Variants in ADAMTSL2 observed in about 807,000 individuals in gnomAD.
The protein encoded by ADAMTSL2 is ADAMTS-like protein 2.
A neutral mutation model predicts 117.0 loss-of-function variants in ADAMTSL2; 55 were observed. The ratio of observed to expected loss-of-function variants is 0.47; its 90% CI spans 0.38 to 0.59. The LOEUF is 0.59. ADAMTSL2 is among the 20% of genes least tolerant of loss of function. The pLI is 0.00. For synonymous variants in ADAMTSL2, 572 were observed against 566.4 expected, an observed-to-expected ratio of 1.01 and a Z score of -0.14; for missense variants, 1,182 against 1,354.5, an observed-to-expected ratio of 0.87 and a Z score of 2.00.
chr9:133,534,565 C>T (rs1830002303), upstream of ADAMTSL2: 4 of 1,038,254 alleles, frequency 3.9e-6, no homozygotes, highest in East Asian at 6.5e-5. Context: ...CCGGCCTGGC[C>T]GGGCTCCAGA....
chr9:133,562,471 C>T (rs1830752867), intron 12 of ADAMTSL2, among the ~76,000 whole-genome samples: 1 of 147,320 alleles, frequency 6.8e-6, no homozygotes, highest in African/African-American at 2.5e-5. Flanking sequence ...CCGTGGGCGG[C>T]GTGGCGGGCA....
At chr9:133,540,024 G>T (rs1387961160) in intron 5 of ADAMTSL2, 151 bp downstream of exon 5, 4 of 752,698 alleles carry the variant, frequency 5.3e-6, no homozygotes, top group Non-Finnish European at 9.1e-6. Context: ...GGTCTCCTGA[G>T]CCCTGGCCCA....
At chr9:133,572,172 G>GCCCCCCC (rs1831122160) in intron 17 of ADAMTSL2, among the ~76,000 whole-genome samples, 1 of 20,380 alleles carries the variant, frequency 4.9e-5, no homozygotes, top group Non-Finnish European at 1.2e-4. Flanking sequence ...ACCCTGCCCC[G>GCCCCCCC]CCACCCCCCA....
At chr9:133,539,593 TGA>T (rs1830147042) in intron 4 of ADAMTSL2, among the ~76,000 whole-genome samples, 176 bp from the exon 5 acceptor site, 1 of 73,198 alleles carries the variant, frequency 1.4e-5, no homozygotes, top group African/African-American at 4.7e-5. Context: ...TGCTCCCTCC[TGA>T]GAGCGCATGG....
rs1489169011 is a variant in ADAMTSL2, at chr9:133,534,795, G to A, written c.-273G>A. ...CGCGGGGGAGGAGGGGAAGGGGAGA[G>A]GGAGGCCGGGCCGCAGCCTCTGCAC... On this transcript the variant is annotated 5_prime_UTR_variant, in exon 1 of 19. Transcript: ENST00000651351. 2.1e-5 allele frequency: 31 copies of A among 1,484,888 alleles called. No homozygotes were observed. Among genetic ancestry groups the A allele is most frequent in the South Asian group, 6.5e-5 (5 of 76,998 alleles). 92.0% of individuals were successfully genotyped at this position (1,484,888 alleles called of 1,614,324 possible).
At chr9:133,544,236 G>A (rs1830294685) in intron 7 of ADAMTSL2, among the ~76,000 whole-genome samples, 2 of 152,156 alleles carry the variant, frequency 1.3e-5, no homozygotes, top group Non-Finnish European at 2.9e-5. Flanking sequence ...GGGCAAGCAC[G>A]GATGAGCCTT....
At chr9:133,561,421 G>A (rs1830725579) in intron 12 of ADAMTSL2, 126 bp downstream of exon 12, 8 of 841,632 alleles carry the variant, frequency 9.5e-6, no homozygotes, top group South Asian at 1.4e-5. Flanking sequence ...CTTGTCCGTG[G>A]CCTCCTGACT....
chr9:133,571,503 C>T (rs1831106121), intron 17 of ADAMTSL2, among the ~76,000 whole-genome samples: 1 of 152,200 alleles, frequency 6.6e-6, no homozygotes, highest in Non-Finnish European at 1.5e-5. Context: ...GTTGCTTTCA[C>T]CTCTCCTGCT....
intron 12 of ADAMTSL2, among the ~76,000 whole-genome samples, chr9:133,564,395 AGG>A (rs1491574611): frequency 2.6e-5 from 1 of 37,934 alleles, no homozygotes; most frequent in Non-Finnish European, 5.9e-5. Flanking sequence ...GGAGAGAGAG[AGG>A]GAGAGAGAGA....
intron 4 of ADAMTSL2, among the ~76,000 whole-genome samples, chr9:133,539,559 C>T (rs534903315): frequency 7.5e-5 from 8 of 106,140 alleles, no homozygotes; most frequent in East Asian, 7.0e-4. Context: ...GCGTGGGGGG[C>T]GGAGCTGCCC....
chr9:133,543,934 G>A (rs1052569161), intron 7 of ADAMTSL2, among the ~76,000 whole-genome samples: 3 of 152,216 alleles, frequency 2.0e-5, no homozygotes, highest in East Asian at 1.9e-4. Flanking sequence ...GATATTGCCC[G>A]ATCTGGATCT....
In ADAMTSL2 at chr9:133,536,573, A is replaced by G. The variant is rs1564490914; in HGVS notation, c.-140A>G. ...CATCCTTCCCAACAGGGTCTGCCAG[A>G]CAACCACGACCAACTAGTCCCAGAT... On this transcript the variant is annotated 5_prime_UTR_variant, in exon 2 of 19. Coordinates refer to ENST00000651351, the MANE Select transcript of ADAMTSL2 (RefSeq NM_014694.4). 1 of 1,585,552 alleles carries G rather than the reference A, an allele frequency of 6.3e-7. No homozygotes were observed. Among genetic ancestry groups the G allele is most frequent in the South Asian group, 1.1e-5 (1 of 88,404 alleles).
intron 1 of ADAMTSL2, among the ~76,000 whole-genome samples, chr9:133,535,928 T>C (rs375985467): frequency 1.3e-5 from 2 of 152,136 alleles, no homozygotes; most frequent in African/African-American, 4.8e-5. Context: ...GGCAGGTGTT[T>C]TGAGCCAAGG....
chr9:133,540,391 T>C (rs1427881983), intron 5 of ADAMTSL2, among the ~76,000 whole-genome samples: 1 of 152,032 alleles, frequency 6.6e-6, no homozygotes, highest in Non-Finnish European at 1.5e-5. Flanking sequence ...CACGAGGAGG[T>C]AGAAGCTGGA....
At chr9:133,551,905 C>T (rs1157037256) in intron 9 of ADAMTSL2, among the ~76,000 whole-genome samples, 2 of 150,622 alleles carry the variant, frequency 1.3e-5, no homozygotes, top group African/African-American at 4.9e-5. Flanking sequence ...TCTCAGCTCC[C>T]TGCAACCTCC....
chr9:133,572,639 G>A (rs1831134298), intron 17 of ADAMTSL2, among the ~76,000 whole-genome samples: 2 of 152,104 alleles, frequency 1.3e-5, no homozygotes, highest in Non-Finnish European at 2.9e-5. Flanking sequence ...GCCATGAAGC[G>A]ATGAAGCGGG....
chr9:133,551,304 A>C (rs56797972), intron 9 of ADAMTSL2, among the ~76,000 whole-genome samples: 29,623 of 150,304 alleles, frequency 0.2, 3,190 homozygotes, highest in Middle Eastern at 0.26. Context: ...GGGCCCCCCC[A>C]CACACAGCCA....
chr9:133,574,105 T>G, intron 18 of ADAMTSL2, 118 bp downstream of exon 18: 2 of 1,363,222 alleles, frequency 1.5e-6, no homozygotes, highest in Non-Finnish European at 2.0e-6. Context: ...GGGAACCAGC[T>G]TGAGAGACCA....
intron 17 of ADAMTSL2, among the ~76,000 whole-genome samples, chr9:133,573,423 C>G (rs1402031438): frequency 1.3e-5 from 2 of 152,220 alleles, no homozygotes; most frequent in African/African-American, 4.8e-5. Context: ...CCAGAGGACC[C>G]TCAGGGAGAT....
Sources: allele counts gnomAD v4.1 joint callset (sites outside exome capture counted in the v4.1 genomes callset), GRCh38; gene constraint gnomAD v4.1.1; transcripts MANE v1.5; gene names NCBI Gene and HGNC (gene_info 2026-07-23, HGNC 2026-07-21).